Variants in CCDC42 observed in about 807,000 individuals in gnomAD.
The protein encoded by CCDC42 is coiled-coil domain containing 42, also known as coiled-coil domain-containing protein 42.
CCDC42 carries 38 observed loss-of-function variants against 40.8 expected under a neutral mutation model. That is an observed-to-expected ratio of 0.93 (90% CI 0.72 to 1.22). CCDC42 has a LOEUF of 1.22. Ranked by LOEUF, CCDC42 falls within the 50% of genes most tolerant of loss-of-function variation. The pLI, the probability that CCDC42 is intolerant of heterozygous loss-of-function variation, is 0.00. For synonymous variants in CCDC42, 135 were observed against 157.5 expected (o/e 0.86, Z 1.07); for missense variants, 379 against 416.5 (o/e 0.91, Z 0.78).
Position 8,744,153 on chromosome 17 carries a change from AC to A in CCDC42, c.114del (p.Glu38AspfsTer35). On this transcript the variant is annotated frameshift_variant, in exon 2 of 7. Coordinates refer to ENST00000293845, the MANE Select transcript of CCDC42 (RefSeq NM_144681.3). LOFTEE classifies it high-confidence loss of function. ...QKLPNVEGAS[E>X]SPSIWLLEKK... ...TTCTCCAGTAGCCAGATGGATGGGG[AC>A]TCCGACGCCCCCTCAACATTGGGGA... The A allele has an allele frequency of 6.2e-7, 1 of 1,613,310 alleles. No individual in the cohort carries two copies.
In CCDC42 at chr17:8,735,392, A is replaced by G. The variant is rs1284341571; in HGVS notation, c.712T>C (p.Trp238Arg). Residue 238 changes from tryptophan to arginine, a missense_variant and splice_region_variant, in exon 5 of 7, where the codon TGG becomes CGG. Transcript: ENST00000293845. The surrounding 1 kb of genome is among the most constrained non-coding windows in gnomAD (Gnocchi z 4.7). ...CCGGCCCGCCCCGGGCCCCTCACCC[A>G]GAAGATGACATTGCTGCGGGCACGG... Reference protein sequence around the residue: ...FDRARSNVIFWESRWAHIQNT... With the variant: ...FDRARSNVIFRESRWAHIQNT... 6.2e-7 allele frequency: 1 copy of G among 1,613,884 alleles called. No homozygotes were observed. Among genetic ancestry groups the G allele is most frequent in the East Asian group, 2.2e-5 (1 of 44,878 alleles).
At chr17:8,731,158 C>T (rs2152141553) in intron 6 of CCDC42, among the ~76,000 whole-genome samples, 1 of 152,070 alleles carries the variant, frequency 6.6e-6, no homozygotes, top group Non-Finnish European at 1.5e-5. Context: ...AAAGATTGGC[C>T]CAGACAGCCT....
intron 4 of CCDC42, among the ~76,000 whole-genome samples, chr17:8,739,455 C>T (rs1317822010): frequency 6.6e-6 from 1 of 152,170 alleles, no homozygotes; most frequent in East Asian, 1.9e-4. Context: ...GGGTCTCAAG[C>T]TTAGGAGGGA....
chr17:8,730,181 C>T lies in CCDC42; in HGVS notation c.900G>A (p.Ser300=), dbSNP rs781006395. Residue 300 remains serine (S), a synonymous_variant, in exon 7 of 7, where the codon TCG becomes TCA. Transcript: ENST00000293845. ...DMIQQFIQDR[S]DIWAEVKKKE... is the part of the protein sequence containing the mutation. The stretch of plus-strand genomic sequence containing the variant: ...TCTTTTTCACCTCTGCCCAGATGTC[C>T]GACCGGTCTTGGATAAATTGCTGGA... 83 of 1,613,820 alleles carry T rather than the reference C, an allele frequency of 5.1e-5. No individual in the cohort carries two copies. Among genetic ancestry groups the T allele is most frequent in the Non-Finnish European group, 6.0e-5 (71 of 1,179,924 alleles).
Position 8,744,132 on chromosome 17 carries a change from C to T in CCDC42, c.136G>A (p.Glu46Lys). ...ASESPSIWLL[E>K]KKKETEIMHQ... ...ATGATTTCTGTCTCCTTTTTCTTCT[C>T]CAGTAGCCAGATGGATGGGGACTCC... The change falls in exon 2 of 7, where the codon GAG becomes AAG. Residue 46 changes from glutamate to lysine, a missense_variant. Transcript: ENST00000293845. The T allele has an allele frequency of 1.2e-6, 2 of 1,613,946 alleles. No homozygotes were observed. The highest frequency in any genetic ancestry group is 1.7e-6 in the Non-Finnish European group (2 of 1,179,954).
intron 6 of CCDC42, among the ~76,000 whole-genome samples, 164 bp from the exon 7 acceptor site, chr17:8,730,371 G>T (rs886923378): frequency 6.6e-6 from 1 of 152,024 alleles, no homozygotes; most frequent in Admixed American, 6.6e-5. Context: ...CAAGAGTCTT[G>T]CTCTGTCACC....
intron 6 of CCDC42, among the ~76,000 whole-genome samples, chr17:8,732,022 C>T (rs1335677519): frequency 4.7e-5 from 7 of 150,518 alleles, no homozygotes; most frequent in East Asian, 3.9e-4. Flanking sequence ...AAATTAAGGC[C>T]GGGCGCGGTG....
chr17:8,735,659 A>G lies in CCDC42; in HGVS notation c.493-48T>C. 1.3e-6 allele frequency: 2 copies of G among 1,531,468 alleles called. No homozygotes were observed. Among genetic ancestry groups the G allele is most frequent in the Non-Finnish European group, 1.8e-6 (2 of 1,121,608 alleles). The allele number at this position is 1,531,468 out of a possible 1,614,324, so 94.9% of individuals were successfully genotyped here. A position where few individuals can be genotyped will look rare whatever the true frequency, so the allele number is the denominator to read the frequency against. The stretch of plus-strand genomic sequence containing the variant: ...ATGCACAGCCAGCCCCTGGGGCCTG[A>G]GGGAGCCACCCAGTCCTGCCAACCT... On this transcript the variant is annotated intron_variant, in intron 4 of 6. Transcript: ENST00000293845. This position sits in a 1 kb window ranked among gnomAD's most constrained non-coding sequence, Gnocchi z 4.7.
chr17:8,730,659 G>A (rs2086575043), intron 6 of CCDC42, among the ~76,000 whole-genome samples: 1 of 152,178 alleles, frequency 6.6e-6, no homozygotes, highest in African/African-American at 2.4e-5. Flanking sequence ...TTCTTGAGGA[G>A]GCCACTTTCT....
At chr17:8,744,378 C>T in intron 1 of CCDC42, 149 bp downstream of exon 1, 1 of 752,182 alleles carries the variant, frequency 1.3e-6, no homozygotes, top group Non-Finnish European at 2.3e-6. Context: ...GGGGTGGAGA[C>T]CAGCGTGATG....
chr17:8,743,623 A>G lies in CCDC42; in HGVS notation c.294+3T>C. Reference sequence around the variant, plus strand: ...CACTGCGGCCGCCCACACCCCTTCAAACCTGGATGAACTGCTCAGACTTCT... The same window carrying G: ...CACTGCGGCCGCCCACACCCCTTCAGACCTGGATGAACTGCTCAGACTTCT... On this transcript the variant is annotated splice_donor_region_variant and intron_variant, in intron 3 of 6. Transcript: ENST00000293845. The G allele has an allele frequency of 1.3e-6, 2 of 1,592,700 alleles. No individual in the cohort carries two copies. Among genetic ancestry groups the G allele is most frequent in the Non-Finnish European group, 8.6e-7 (1 of 1,160,580 alleles).
chr17:8,739,115 GAA>G (rs1431745348), intron 4 of CCDC42, among the ~76,000 whole-genome samples: 4 of 152,020 alleles, frequency 2.6e-5, no homozygotes, highest in African/African-American at 9.7e-5. Context: ...AGAAAAAAGA[GAA>G]AGAGAGGGGG....
At chr17:8,739,386 T>A (rs1021357041) in intron 4 of CCDC42, among the ~76,000 whole-genome samples, 1 of 152,222 alleles carries the variant, frequency 6.6e-6, no homozygotes, top group Admixed American at 6.5e-5. Context: ...GCGGCAGGGC[T>A]GTCCTGGGGG....
chr17:8,732,720 C>T (rs371677944), intron 6 of CCDC42, among the ~76,000 whole-genome samples: 1 of 152,126 alleles, frequency 6.6e-6, no homozygotes, highest in Non-Finnish European at 1.5e-5. Context: ...ATCTCATCTT[C>T]GTTTAATTTA....
At chr17:8,738,010 T>TG (rs11415364) in intron 4 of CCDC42, among the ~76,000 whole-genome samples, 51,022 of 151,354 alleles carry the variant, frequency 0.34, 9,576 homozygotes, top group Non-Finnish European at 0.44. Context: ...TTTGCAGATT[T>TG]GGGGGGGGTC....
chr17:8,738,435 A>G (rs531099694), intron 4 of CCDC42, among the ~76,000 whole-genome samples: 1 of 151,848 alleles, frequency 6.6e-6, no homozygotes, highest in South Asian at 2.1e-4. Context: ...AAAACATTAA[A>G]TGTGACAAAA....
intron 4 of CCDC42, among the ~76,000 whole-genome samples, chr17:8,740,580 G>A (rs573371437): frequency 3.3e-4 from 50 of 152,132 alleles, no homozygotes; most frequent in Admixed American, 7.9e-4. Flanking sequence ...CGCCCCCGCC[G>A]GAGGAGCCTG....
chr17:8,741,451 G>T, intron 4 of CCDC42, 23 bp downstream of exon 4: 2 of 1,608,588 alleles, frequency 1.2e-6, no homozygotes, highest in Middle Eastern at 1.7e-4. Context: ...GCCAGGGCCG[G>T]CCCCCCTGCT....
intron 4 of CCDC42, among the ~76,000 whole-genome samples, chr17:8,740,127 T>C (rs2086632951): frequency 1.3e-5 from 2 of 152,058 alleles, no homozygotes; most frequent in South Asian, 4.1e-4. Flanking sequence ...AGTGAGGGGA[T>C]CTTCTGGCTG....
Sources: allele counts gnomAD v4.1 joint callset (sites outside exome capture counted in the v4.1 genomes callset), GRCh38; gene constraint gnomAD v4.1.1; non-coding constraint Gnocchi (gnomAD v3.1); transcripts MANE v1.5; gene names NCBI Gene and HGNC (gene_info 2026-07-23, HGNC 2026-07-21).